The following RPAP2 variants were observed in gnomAD, a reference collection of about 807,000 sequenced individuals.
RPAP2 encodes the protein putative RNA polymerase II subunit B1 CTD phosphatase RPAP2.
Under a neutral mutation model 73.1 loss-of-function variants are expected in RPAP2, and 52 were observed. The observed-to-expected ratio is 0.71, with a 90% confidence interval of 0.57 to 0.90. The LOEUF is 0.90. RPAP2 is among the 40% of genes least tolerant of loss of function. The probability of loss-of-function intolerance (pLI) is 0.00; values close to 1 mark genes in which losing one functional copy is unlikely to be tolerated. For synonymous variants in RPAP2, 225 were observed against 242.1 expected (o/e 0.93, Z 0.65); for missense variants, 598 against 701.8 (o/e 0.85, Z 1.67).
Position 92,350,456 on chromosome 1 carries a change from G to C in RPAP2, c.1688+4542G>C, listed in dbSNP as rs375067312. ...TGCTTAAGTACTTGGTTGTAATTTT[G>C]CATCTTAGTTGAAGTTTATCAGACT... On this transcript the variant is annotated intron_variant, in intron 11 of 12. Coordinates refer to ENST00000610020, the MANE Select transcript of RPAP2 (RefSeq NM_024813.3). Among the ~76,000 whole-genome samples the C allele has an allele frequency of 2.0e-4, 31 of 152,066 alleles. No individual in the cohort carries two copies. In the East Asian group the frequency reaches 5.6e-3, roughly 27 times the overall value.
At chr1:92,311,184 G>A (rs1651576732) in intron 6 of RPAP2, among the ~76,000 whole-genome samples, 1 of 152,110 alleles carries the variant, frequency 6.6e-6, no homozygotes, top group Non-Finnish European at 1.5e-5. Flanking sequence ...TTGTTTTACT[G>A]TAGGAAACCT....
intron 12 of RPAP2, 46 bp downstream of exon 12, chr1:92,380,919 G>T: frequency 6.9e-7 from 1 of 1,450,794 alleles, no homozygotes; most frequent in Non-Finnish European, 9.1e-7. Flanking sequence ...TTCATTTGTT[G>T]CCTATGTGGA....
chr1:92,304,489 G>T, intron 5 of RPAP2, 140 bp downstream of exon 5: 1 of 499,934 alleles, frequency 2.0e-6, no homozygotes, highest in South Asian at 4.0e-5. Flanking sequence ...TTAGAAAATA[G>T]TGATGTTAAA....
chr1:92,324,906 T>G (rs1011977969), intron 8 of RPAP2, among the ~76,000 whole-genome samples: 1 of 152,224 alleles, frequency 6.6e-6, no homozygotes, highest in Non-Finnish European at 1.5e-5. Flanking sequence ...AGACCTAGAT[T>G]TGAACATCTG....
chr1:92,308,362 T>C (rs1651373169), intron 6 of RPAP2, among the ~76,000 whole-genome samples: 1 of 152,224 alleles, frequency 6.6e-6, no homozygotes, highest in Non-Finnish European at 1.5e-5. Context: ...TCGACATGAC[T>C]GGGAAGCTAA....
intron 11 of RPAP2, among the ~76,000 whole-genome samples, chr1:92,348,105 G>A (rs535829442): frequency 2.0e-5 from 3 of 152,160 alleles, no homozygotes; most frequent in African/African-American, 7.2e-5. Context: ...TGGTCAGGCT[G>A]GTCTCGAACT....
chr1:92,396,632 T>TGTG lies in RPAP2; in HGVS notation c.*9621_*9622insGTG, dbSNP rs1553157804. ...CTAAGTTGTAATTTTTGCACAACTT[T>TGTG]TATGTGTGTGTGTGTGTGTGTGTGT... is the stretch of plus-strand genomic sequence containing the variant. On this transcript the variant is annotated 3_prime_UTR_variant, in exon 13 of 13. Transcript: ENST00000610020. 5.5e-5 allele frequency: 5 copies of TGTG among 90,520 alleles called. No homozygotes were observed. The highest frequency in any genetic ancestry group is 2.5e-4 in the Admixed American group (2 of 8,102). 5.6% of individuals were successfully genotyped at this position (90,520 alleles called of 1,614,324 possible).
At chr1:92,353,532 C>T (rs866962218) in intron 11 of RPAP2, among the ~76,000 whole-genome samples, 12 of 152,280 alleles carry the variant, frequency 7.9e-5, no homozygotes, top group Middle Eastern at 3.4e-3. Flanking sequence ...ACAAAGGTTA[C>T]GGTGTTCATA....
At chr1:92,317,655 T>C (rs1310979312) in intron 6 of RPAP2, among the ~76,000 whole-genome samples, 1 of 152,212 alleles carries the variant, frequency 6.6e-6, no homozygotes, top group African/African-American at 2.4e-5. Context: ...ATATACTTCA[T>C]GCTACTGAAC....
intron 10 of RPAP2, among the ~76,000 whole-genome samples, chr1:92,337,798 G>A (rs7520275): frequency 0.47 from 72,099 of 151,792 alleles, 18,132 homozygotes; most frequent in East Asian, 0.96. Flanking sequence ...TTCATTCATC[G>A]TCAATTCCCC....
In RPAP2 at chr1:92,395,383, C is replaced by A. The variant is rs996055849; in HGVS notation, c.*8372C>A. The A allele has an allele frequency of 2.6e-5, 4 of 151,972 alleles. No homozygotes were observed. The highest frequency in any genetic ancestry group is 6.6e-5 in the Admixed American group (1 of 15,256). 9.4% of individuals were successfully genotyped at this position (151,972 alleles called of 1,614,324 possible). A position where few individuals can be genotyped will look rare whatever the true frequency, so the allele number is the denominator to read the frequency against. The stretch of plus-strand genomic sequence containing the variant: ...CGGGGAGGTGGTTCACATCTGAAAT[C>A]CCTGCACTTTCGGAAGCCAAGGAGG... On this transcript the variant is annotated 3_prime_UTR_variant, in exon 13 of 13. Transcript: ENST00000610020.
intron 3 of RPAP2, among the ~76,000 whole-genome samples, chr1:92,302,532 C>G (rs1175748115): frequency 6.7e-6 from 1 of 149,800 alleles, no homozygotes; most frequent in Non-Finnish European, 1.5e-5. Flanking sequence ...TTTCAAAAAC[C>G]TGAAATACAG....
intron 11 of RPAP2, among the ~76,000 whole-genome samples, chr1:92,366,065 AC>A (rs1490005838): frequency 2.0e-5 from 3 of 152,218 alleles, no homozygotes; most frequent in African/African-American, 7.2e-5. Flanking sequence ...CACAAAGGGA[AC>A]AACTAGGAAA....
intron 8 of RPAP2, among the ~76,000 whole-genome samples, chr1:92,330,240 A>G (rs1652880118): frequency 6.6e-6 from 1 of 152,220 alleles, no homozygotes; most frequent in South Asian, 2.1e-4. Flanking sequence ...TTCAGAATGA[A>G]GATACCTTGC....
intron 11 of RPAP2, among the ~76,000 whole-genome samples, chr1:92,378,864 C>A (rs1242472174): frequency 6.6e-6 from 1 of 152,154 alleles, no homozygotes; most frequent in Admixed American, 6.6e-5. Flanking sequence ...AGACAAAGCT[C>A]ATGAAGTCTG....
At chr1:92,373,732 C>CAAAA (rs1571140959) in intron 11 of RPAP2, among the ~76,000 whole-genome samples, 1 of 34,604 alleles carries the variant, frequency 2.9e-5, no homozygotes, top group Non-Finnish European at 5.1e-5. Context: ...CCCGTCTCTA[C>CAAAA]TAAAAATAAA....
chr1:92,378,317 ACCT>A (rs1254175848), intron 11 of RPAP2, among the ~76,000 whole-genome samples: 2 of 151,958 alleles, frequency 1.3e-5, no homozygotes, highest in African/African-American at 4.8e-5. Context: ...CGATTCTCCT[ACCT>A]CAGCCTCCTG....
In RPAP2 at chr1:92,385,895, C is replaced by T. The variant is rs35893852; in HGVS notation, c.*-1116C>T. On this transcript the variant is annotated intron_variant, in intron 12 of 12. Transcript: ENST00000610020. Reference sequence around the variant, plus strand: ...ATGTTACAGTTAAGCTATCTGCCAGCGCTATGATGTCACCTGAAGGCTAGA... The same window carrying T: ...ATGTTACAGTTAAGCTATCTGCCAGTGCTATGATGTCACCTGAAGGCTAGA... Among the ~76,000 whole-genome samples the T allele has an allele frequency of 3.8e-3, 586 of 152,286 alleles. 2 individuals carry two copies. The highest frequency in any genetic ancestry group is 0.014 in the South Asian group (67 of 4,826).
At chr1:92,347,754 T>TTA (rs939219901) in intron 11 of RPAP2, among the ~76,000 whole-genome samples, 2 of 152,180 alleles carry the variant, frequency 1.3e-5, no homozygotes, top group African/African-American at 4.8e-5. Context: ...GCTAGTCCTT[T>TTA]TAGGCACTGT....
Sources: gnomAD v4.1 joint callset for allele counts (sites outside exome capture counted in the v4.1 genomes callset) on GRCh38, gnomAD v4.1.1 for gene constraint, MANE v1.5 for transcripts, NCBI Gene and HGNC (gene_info 2026-07-23, HGNC 2026-07-21) for gene names.